The following IQGAP2 variants were observed in gnomAD, a reference collection of about 807,000 sequenced individuals.
IQGAP2 encodes the protein IQ motif containing GTPase activating protein 2, also known as ras GTPase-activating-like protein IQGAP2.
In IQGAP2, 173 loss-of-function variants were observed where a neutral mutation model predicts 201.3. That is an observed-to-expected ratio of 0.86 (90% CI 0.76 to 0.98). The LOEUF (loss-of-function observed/expected upper bound fraction) is 0.98, where lower values mean the gene tolerates loss of function less well. Among genes scored for constraint, IQGAP2 ranks in the 50% least tolerant of loss-of-function variants. The pLI is 0.00. For synonymous variants in IQGAP2, 675 were observed against 673.9 expected (o/e 1.00, Z -0.03); for missense variants, 1,687 against 1,864.8 (o/e 0.90, Z 1.76).
chr5:76,599,850 T>C (rs983794892), intron 10 of IQGAP2, among the ~76,000 whole-genome samples: 1 of 152,146 alleles, frequency 6.6e-6, no homozygotes, highest in African/African-American at 2.4e-5. Context: ...TTCAATATGA[T>C]GAAAAAAATA....
chr5:76,502,543 T>G (rs1757337812), intron 2 of IQGAP2, among the ~76,000 whole-genome samples: 1 of 152,188 alleles, frequency 6.6e-6, no homozygotes, highest in Non-Finnish European at 1.5e-5. Context: ...TTGTGTATGT[T>G]TGAATTCTTA....
At chr5:76,561,220 A>G (rs1744341552) in intron 2 of IQGAP2, among the ~76,000 whole-genome samples, 1 of 152,250 alleles carries the variant, frequency 6.6e-6, no homozygotes, top group Non-Finnish European at 1.5e-5. Flanking sequence ...AACTGCAGAA[A>G]GTGAAACCTT....
chr5:76,461,992 G>A (rs1754482639), intron 2 of IQGAP2, among the ~76,000 whole-genome samples: 1 of 152,204 alleles, frequency 6.6e-6, no homozygotes, highest in African/African-American at 2.4e-5. Flanking sequence ...TTGGCAGCAG[G>A]ATAATGGGAG....
At chr5:76,607,871 C>T (rs1580584253) in intron 12 of IQGAP2, 2 of 152,300 alleles carry the variant, frequency 1.3e-5, no homozygotes, top group African/African-American at 4.8e-5. Flanking sequence ...AAAACAAAGA[C>T]TCACGTCCCA....
intron 2 of IQGAP2, among the ~76,000 whole-genome samples, chr5:76,533,182 T>C (rs942894340): frequency 3.9e-5 from 6 of 152,058 alleles, no homozygotes; most frequent in African/African-American, 1.4e-4. Context: ...TTTTTTTAAC[T>C]CACTTTGGTA....
intron 1 of IQGAP2, among the ~76,000 whole-genome samples, chr5:76,433,409 G>A (rs1457844038): frequency 2.0e-5 from 3 of 152,146 alleles, no homozygotes; most frequent in African/African-American, 2.4e-5. Context: ...CCCATAGGGT[G>A]GCCCTCTCTT....
intron 12 of IQGAP2, among the ~76,000 whole-genome samples, chr5:76,610,336 T>C (rs746108440): frequency 1.3e-5 from 2 of 150,636 alleles, no homozygotes; most frequent in Non-Finnish European, 3.0e-5. Flanking sequence ...GAAAAGATGC[T>C]CAAAATCATT....
chr5:76,516,009 C>T (rs1758296979), intron 2 of IQGAP2, among the ~76,000 whole-genome samples: 1 of 151,048 alleles, frequency 6.6e-6, no homozygotes, highest in East Asian at 2.0e-4. Context: ...TCTTGAGTAG[C>T]TGGGACTATG....
rs151182090 is a variant in IQGAP2, at chr5:76,674,016, A to G, written c.3274A>G (p.Thr1092Ala). 239 of 1,605,694 alleles carry G rather than the reference A, an allele frequency of 1.5e-4. No homozygotes were observed. The African/African-American group carries it at 2.6e-3, about 18-fold the overall frequency. The change falls in exon 26 of 36, where the codon ACA (threonine) becomes GCA (alanine). Residue 1092 changes from threonine (T) to alanine (A), a missense_variant. Transcript: ENST00000274364. ...GATCCATGAGAAATTCCCCGATGCA[A>G]CAGAAGATGAGCTATTAAAGGTAGA... ...NSIHEKFPDA[T>A]EDELLKIVGN...
chr5:76,670,491 G>C (rs919652269), intron 23 of IQGAP2, among the ~76,000 whole-genome samples: 1 of 152,178 alleles, frequency 6.6e-6, no homozygotes, highest in Non-Finnish European at 1.5e-5. Flanking sequence ...TCCAGCCTGG[G>C]CGACAGAGCC....
chr5:76,477,875 TA>T (rs60866453), intron 2 of IQGAP2, among the ~76,000 whole-genome samples: 87,380 of 149,436 alleles, frequency 0.58, 25,755 homozygotes, highest in East Asian at 0.81. Flanking sequence ...GTTTAAAAAG[TA>T]AAAAAAAAAA....
chr5:76,605,338 G>A (rs1011949175), intron 11 of IQGAP2, among the ~76,000 whole-genome samples: 2 of 152,100 alleles, frequency 1.3e-5, no homozygotes, highest in Non-Finnish European at 2.9e-5. Flanking sequence ...ATAAACAATG[G>A]GTGAGAGGGC....
intron 17 of IQGAP2, among the ~76,000 whole-genome samples, chr5:76,651,431 A>T (rs456572): frequency 0.5 from 76,174 of 151,938 alleles, 19,527 homozygotes; most frequent in Non-Finnish European, 0.56. Flanking sequence ...AGTGAAACTT[A>T]GTCTCTCTGA....
At chr5:76,587,646 T>A (rs566387194) in intron 5 of IQGAP2, among the ~76,000 whole-genome samples, 1 of 152,250 alleles carries the variant, frequency 6.6e-6, no homozygotes, top group South Asian at 2.1e-4. Context: ...AAATAATTGC[T>A]CTTCATAAAA....
At chr5:76,702,637 G>A in intron 35 of IQGAP2, 47 bp downstream of exon 35, 1 of 883,890 alleles carries the variant, frequency 1.1e-6, no homozygotes, top group Non-Finnish European at 1.9e-6. Flanking sequence ...TTTATATGTG[G>A]ATCATACATT....
chr5:76,618,272 T>C lies in IQGAP2; in HGVS notation c.1521+7089T>C, dbSNP rs753692444. The C allele has an allele frequency of 1.1e-5, 18 of 1,614,034 alleles. No individual in the cohort carries two copies. In the Admixed American group the frequency reaches 1.2e-4, roughly 10 times the overall value. On this transcript the variant is annotated intron_variant, in intron 13 of 35. Transcript: ENST00000274364. ...GATGATAAGCTATCTTAAAGGGCAATGTAACACAAAAAAGAAAATCTGCAA... is the reference window on the plus strand; with the variant it reads ...GATGATAAGCTATCTTAAAGGGCAACGTAACACAAAAAAGAAAATCTGCAA...
At chr5:76,435,155 A>G (rs56218844) in intron 1 of IQGAP2, among the ~76,000 whole-genome samples, 14,399 of 150,414 alleles carry the variant, frequency 0.096, 1,751 homozygotes, top group African/African-American at 0.29. Flanking sequence ...TCTGTGGGTT[A>G]TCTGTTTACT....
chr5:76,559,763 C>T (rs146085393), intron 2 of IQGAP2, among the ~76,000 whole-genome samples: 1,967 of 152,238 alleles, frequency 0.013, 17 homozygotes, highest in Non-Finnish European at 0.022. Flanking sequence ...CCCAGGTCTG[C>T]GTGGGTTTTC....
At chr5:76,429,416 C>T (rs942949631) in intron 1 of IQGAP2, among the ~76,000 whole-genome samples, 19 of 150,804 alleles carry the variant, frequency 1.3e-4, no homozygotes, top group Non-Finnish European at 2.5e-4. Context: ...ACTAAAAATA[C>T]AAAAAATTAG....
Sources: gnomAD v4.1 joint callset for allele counts (sites outside exome capture counted in the v4.1 genomes callset) on GRCh38, gnomAD v4.1.1 for gene constraint, MANE v1.5 for transcripts, NCBI Gene and HGNC (gene_info 2026-07-23, HGNC 2026-07-21) for gene names.